The following FNBP1 variants were observed in gnomAD, a reference collection of about 807,000 sequenced individuals.
The protein encoded by FNBP1 is formin binding protein 1.
In FNBP1, 26 loss-of-function variants were observed where a neutral mutation model predicts 90.6. The ratio of observed to expected loss-of-function variants is 0.29; its 90% CI spans 0.21 to 0.40. The LOEUF (loss-of-function observed/expected upper bound fraction) is 0.40, where lower values mean the gene tolerates loss of function less well. FNBP1 is among the 10% of genes least tolerant of loss of function. The pLI is 1.00. For synonymous variants in FNBP1, 260 were observed against 265.2 expected (o/e 0.98, Z 0.19); for missense variants, 635 against 768.0 (o/e 0.83, Z 2.05).
chr9:129,955,380 T>A (rs2046774500), intron 6 of FNBP1, among the ~76,000 whole-genome samples: 1 of 151,822 alleles, frequency 6.6e-6, no homozygotes, highest in South Asian at 2.1e-4. Context: ...ACCACAGACA[T>A]GGGCTACCAT....
At position 129,895,909 on chromosome 9, in the gene FNBP1, C is replaced by T. The variant is rs374562503; in HGVS notation, c.1775G>A (p.Arg592Gln). ...EDKGDGWTRI[R>Q]RNEDEEGYVP... ...ATAACCCTCTTCATCTTCATTTCTCCGAATGCGGGTCCAGCCATCGCCTTT... is the reference window on the plus strand; with the variant it reads ...ATAACCCTCTTCATCTTCATTTCTCTGAATGCGGGTCCAGCCATCGCCTTT... The change falls in exon 16 of 17, where the codon CGG (arginine) becomes CAG (glutamine). Residue 592 changes from arginine to glutamine, a missense_variant. Coordinates refer to ENST00000446176, the MANE Select transcript of FNBP1 (RefSeq NM_015033.3). The T allele has an allele frequency of 1.1e-5, 17 of 1,613,612 alleles. No individual in the cohort carries two copies. Among genetic ancestry groups the T allele is most frequent in the African/African-American group, 4.0e-5 (3 of 74,836 alleles).
Position 129,888,586 on chromosome 9 carries a change from G to A in FNBP1, c.*1953C>T, listed in dbSNP as rs921801265. ...GGGACCGGAAGTCCATGGCTCTGCC[G>A]CAACCCTGAGCGGTTTGCAGTCCCC... On this transcript the variant is annotated 3_prime_UTR_variant, in exon 17 of 17. Coordinates refer to ENST00000446176, the MANE Select transcript of FNBP1 (RefSeq NM_015033.3). 3.9e-5 allele frequency: 9 copies of A among 232,758 alleles called. No individual in the cohort carries two copies. The highest frequency in any genetic ancestry group is 7.6e-5 in the Non-Finnish European group (9 of 117,768). 14.4% of individuals were successfully genotyped at this position (232,758 alleles called of 1,614,324 possible).
rs1282462931 is a variant in FNBP1, at chr9:129,887,490, A to ATATT, written c.*3045_*3048dup. 1 of 203,364 alleles carries ATATT rather than the reference A, an allele frequency of 4.9e-6. No homozygotes were observed. The highest frequency in any genetic ancestry group is 1.0e-5 in the Non-Finnish European group (1 of 99,108). 12.6% of individuals were successfully genotyped at this position (203,364 alleles called of 1,614,324 possible). On this transcript the variant is annotated 3_prime_UTR_variant, in exon 17 of 17. Transcript: ENST00000446176. ...AGAGCCAATAAGAAACATGAAACCA[A>ATATT]TATTTCTGGAAAAACACTTAGCATG...
chr9:129,940,160 C>T (rs1190602654), intron 6 of FNBP1, among the ~76,000 whole-genome samples: 1 of 152,112 alleles, frequency 6.6e-6, no homozygotes, highest in African/African-American at 2.4e-5. Context: ...ATGATTGTCC[C>T]ACTGTACTTC....
At chr9:130,013,583 T>C (rs1432031577) in intron 1 of FNBP1, 4 of 398,610 alleles carry the variant, frequency 1.0e-5, no homozygotes, top group Non-Finnish European at 2.0e-5. Context: ...TAGGTATATA[T>C]CTTAAGGTTT....
intron 6 of FNBP1, among the ~76,000 whole-genome samples, chr9:129,944,881 A>G (rs919115898): frequency 6.6e-6 from 1 of 152,246 alleles, no homozygotes; most frequent in Non-Finnish European, 1.5e-5. Flanking sequence ...GCCATTTACT[A>G]TCATTGAAAA....
chr9:130,040,926 T>C (rs189501971), intron 1 of FNBP1, among the ~76,000 whole-genome samples: 19 of 152,124 alleles, frequency 1.2e-4, no homozygotes, highest in African/African-American at 4.6e-4. Flanking sequence ...GTGAAGCAAA[T>C]ATAAGATTTC....
chr9:129,899,233 A>G (rs1207865825), intron 15 of FNBP1, among the ~76,000 whole-genome samples: 1 of 152,020 alleles, frequency 6.6e-6, no homozygotes, highest in Admixed American at 6.5e-5. Context: ...GCCTGCCAGC[A>G]TGCCCAGCCA....
chr9:130,049,087 C>T, the FNBP1 span, among the ~76,000 whole-genome samples: 1 of 150,864 alleles, frequency 6.6e-6, no homozygotes, highest in Non-Finnish European at 1.5e-5. Context: ...CCAGTTTCCT[C>T]TTCTTTAAAA....
At chr9:129,921,684 A>G (rs1365511115) in intron 10 of FNBP1, among the ~76,000 whole-genome samples, 1 of 152,174 alleles carries the variant, frequency 6.6e-6, no homozygotes, top group Non-Finnish European at 1.5e-5. Context: ...AAGTGCTGGG[A>G]TTACGGGCAT....
chr9:130,042,988 G>C lies in FNBP1; in HGVS notation c.-13C>G, dbSNP rs1175265403. On this transcript the variant is annotated 5_prime_UTR_variant, in exon 1 of 17. Coordinates refer to ENST00000446176, the MANE Select transcript of FNBP1 (RefSeq NM_015033.3). This position sits in a 1 kb window ranked among gnomAD's most constrained non-coding sequence, Gnocchi z 5.5. ...TGCCCCAGCTCATGGTGCAGGGGAC[G>C]CGAAGGGGCGCTCCGCGCGGCGGGC... 8.2e-7 allele frequency: 1 copy of C among 1,225,130 alleles called. No individual in the cohort carries two copies. Among genetic ancestry groups the C allele is most frequent in the Non-Finnish European group, 1.0e-6 (1 of 983,574 alleles). 75.9% of individuals were successfully genotyped at this position (1,225,130 alleles called of 1,614,324 possible). A position where few individuals can be genotyped will look rare whatever the true frequency, so the allele number is the denominator to read the frequency against.
At chr9:129,925,212 T>G (rs1277483463) in intron 8 of FNBP1, 55 bp from the exon 9 acceptor site, 5 of 1,450,694 alleles carry the variant, frequency 3.4e-6, no homozygotes, top group African/African-American at 1.4e-5. Flanking sequence ...AAACACTTTT[T>G]AAACAATGAA....
intron 6 of FNBP1, among the ~76,000 whole-genome samples, chr9:129,955,258 G>C (rs1260544930): frequency 1.3e-5 from 2 of 151,564 alleles, no homozygotes; most frequent in Non-Finnish European, 2.9e-5. Context: ...TTTTGAGACG[G>C]GGTCTGGCTC....
At position 129,949,997 on chromosome 9, in the gene FNBP1, C is replaced by T. The variant is rs544321837; in HGVS notation, c.513+7363G>A. ...TGGCTGCTAGAAAAAAAGGAGGATG[C>T]GCTGCTTTGAATACAATTAGATAAT... On this transcript the variant is annotated intron_variant, in intron 6 of 16. Transcript: ENST00000446176. Among the ~76,000 whole-genome samples, 9 of 152,168 alleles carry T rather than the reference C, an allele frequency of 5.9e-5. No individual in the cohort carries two copies. The East Asian group carries it at 9.6e-4, about 16-fold the overall frequency.
chr9:129,908,703 C>A (rs2038645324), intron 12 of FNBP1, among the ~76,000 whole-genome samples, 187 bp downstream of exon 12: 1 of 151,952 alleles, frequency 6.6e-6, no homozygotes, highest in African/African-American at 2.4e-5. Context: ...CAGACGTGTG[C>A]CACTGCACCT....
chr9:130,050,825 G>T, the FNBP1 span, among the ~76,000 whole-genome samples: 23 of 147,168 alleles, frequency 1.6e-4, no homozygotes, highest in South Asian at 2.1e-4. Context: ...TTTTTTTTTT[G>T]TTTTTTTGTT....
At position 129,982,516 on chromosome 9, in the gene FNBP1, G is replaced by A. The variant is rs532633379; in HGVS notation, c.141-3142C>T. ...AAGAAAAAAAGAAAGGGAAATGTGCGCAAAACAGATGACTACATAATCAAT... is the reference window on the plus strand; with the variant it reads ...AAGAAAAAAAGAAAGGGAAATGTGCACAAAACAGATGACTACATAATCAAT... On this transcript the variant is annotated intron_variant, in intron 2 of 16. Transcript: ENST00000446176. Among the ~76,000 whole-genome samples the A allele has an allele frequency of 4.6e-5, 7 of 152,116 alleles. No homozygotes were observed. The South Asian group carries it at 6.2e-4, about 14-fold the overall frequency.
intron 1 of FNBP1, among the ~76,000 whole-genome samples, chr9:130,033,981 A>C (rs1334431658): frequency 1.4e-5 from 2 of 147,624 alleles, no homozygotes; most frequent in African/African-American, 5.1e-5. Context: ...GCGCCACCGC[A>C]CTCCAGCCTG....
chr9:129,988,503 C>T (rs2052639421), intron 2 of FNBP1, among the ~76,000 whole-genome samples: 1 of 151,990 alleles, frequency 6.6e-6, no homozygotes, highest in African/African-American at 2.4e-5. Context: ...ATGGTGAAAT[C>T]CTGTCTCTAC....
Sources: allele counts gnomAD v4.1 joint callset (sites outside exome capture counted in the v4.1 genomes callset), GRCh38; gene constraint gnomAD v4.1.1; non-coding constraint Gnocchi (gnomAD v3.1); transcripts MANE v1.5; gene names NCBI Gene and HGNC (gene_info 2026-07-23, HGNC 2026-07-21).